Variants in IRAK2 observed in about 807,000 individuals in gnomAD.
The protein encoded by IRAK2 is interleukin-1 receptor-associated kinase-like 2.
In IRAK2, 57 loss-of-function variants were observed where a neutral mutation model predicts 72.0. That is an observed-to-expected ratio of 0.79 (90% CI 0.64 to 0.99). The LOEUF (loss-of-function observed/expected upper bound fraction) is 0.99, where lower values mean the gene tolerates loss of function less well. Among genes scored for constraint, IRAK2 ranks in the 50% least tolerant of loss-of-function variants. IRAK2 has a pLI of 0.00. For missense variants in IRAK2, 790 were observed against 794.4 expected (o/e 0.99, Z 0.07); for synonymous variants, 293 against 312.7 (o/e 0.94, Z 0.67).
intron 1 of IRAK2, among the ~76,000 whole-genome samples, chr3:10,175,752 TGGTGGTGGG>T (rs1696862607): frequency 6.6e-6 from 1 of 151,376 alleles, no homozygotes; most frequent in African/African-American, 2.4e-5. Flanking sequence ...TAGCCAGGCG[TGGTGGTGGG>T]CGCCTGTAGT....
At chr3:10,193,807 C>G (rs925496583) in intron 2 of IRAK2, among the ~76,000 whole-genome samples, 2 of 152,230 alleles carry the variant, frequency 1.3e-5, no homozygotes, top group Non-Finnish European at 2.9e-5. Flanking sequence ...AGGCTGGCTG[C>G]CAATGGCGTG....
intron 3 of IRAK2, among the ~76,000 whole-genome samples, 188 bp downstream of exon 3, chr3:10,200,703 C>T (rs941095289): frequency 1.1e-4 from 17 of 152,064 alleles, no homozygotes; most frequent in African/African-American, 4.1e-4. Flanking sequence ...TTGAGACCAG[C>T]CTAGGCAACC....
intron 4 of IRAK2, 67 bp from the exon 5 acceptor site, chr3:10,213,140 G>T: frequency 6.0e-6 from 8 of 1,338,578 alleles, no homozygotes; most frequent in African/African-American, 1.4e-5. Flanking sequence ...GTGTTCCAAG[G>T]TCCCTTGAGG....
intron 3 of IRAK2, among the ~76,000 whole-genome samples, chr3:10,206,587 G>A (rs537242198): frequency 7.9e-5 from 12 of 152,280 alleles, no homozygotes; most frequent in African/African-American, 2.4e-4. Context: ...ACTGAGTCTC[G>A]CTCTGTTGCC....
At chr3:10,201,539 T>C (rs1697360980) in intron 3 of IRAK2, among the ~76,000 whole-genome samples, 2 of 152,252 alleles carry the variant, frequency 1.3e-5, no homozygotes, top group South Asian at 2.1e-4. Flanking sequence ...CTGAGCTGTG[T>C]GATTTGAACA....
At chr3:10,212,061 C>T (rs143549147) in intron 4 of IRAK2, among the ~76,000 whole-genome samples, 77 of 139,718 alleles carry the variant, frequency 5.5e-4, no homozygotes, top group Admixed American at 1.4e-3. Context: ...GCCTGGGTGA[C>T]AGTACGAGAC....
In IRAK2 at chr3:10,183,249, G is replaced by A. The variant is rs1404634107; in HGVS notation, c.277+5229G>A. On this transcript the variant is annotated intron_variant, in intron 2 of 12. Coordinates refer to ENST00000256458, the MANE Select transcript of IRAK2 (RefSeq NM_001570.4). ...AGGCCATGCTTGAACTCAGTGGTAC[G>A]ACAGGGGCCCACTGGGGGCCATATC... Among the ~76,000 whole-genome samples the A allele has an allele frequency of 5.3e-5, 8 of 152,318 alleles. No individual in the cohort carries two copies. In the East Asian group the frequency reaches 1.2e-3, roughly 22 times the overall value.
In IRAK2 at chr3:10,234,566, G is replaced by C; in HGVS notation, c.1380G>C (p.Glu460Asp). 1 of 1,614,084 alleles carries C rather than the reference G, an allele frequency of 6.2e-7. No individual in the cohort carries two copies. The highest frequency in any genetic ancestry group is 8.5e-7 in the Non-Finnish European group (1 of 1,180,038). Residue 460 changes from glutamate (E) to aspartate (D), a missense_variant, in exon 11 of 13, where the codon GAG (glutamate) becomes GAC (aspartate). Glu to Asp is a conservative substitution (Grantham distance 45). Transcript: ENST00000256458. ...MAKEICQKYLEKGAGRLPEDC... is the reference protein window; with the variant it reads ...MAKEICQKYLDKGAGRLPEDC... ...AGGAGATCTGCCAGAAGTACCTGGA[G>C]AAGGGCGCAGGGAGGCTTCCGGAGG...
chr3:10,179,723 C>A (rs570022271), intron 2 of IRAK2, among the ~76,000 whole-genome samples: 3 of 152,222 alleles, frequency 2.0e-5, no homozygotes, highest in African/African-American at 7.2e-5. Flanking sequence ...TGTGAGCCAC[C>A]GTGCCCAGTC....
intron 2 of IRAK2, among the ~76,000 whole-genome samples, chr3:10,193,982 G>A (rs696040): frequency 0.22 from 33,943 of 152,198 alleles, 4,840 homozygotes; most frequent in East Asian, 0.72. Flanking sequence ...TGCTTCCTTC[G>A]GAGGCCCGAG....
chr3:10,166,890 C>A (rs144603477), intron 1 of IRAK2, among the ~76,000 whole-genome samples: 1 of 152,056 alleles, frequency 6.6e-6, no homozygotes, highest in African/African-American at 2.4e-5. Context: ...GTGATTTGGC[C>A]GCTTTGGCCT....
intron 2 of IRAK2, among the ~76,000 whole-genome samples, chr3:10,190,860 T>C (rs1260631166): frequency 6.6e-6 from 1 of 152,206 alleles, no homozygotes; most frequent in East Asian, 1.9e-4. Flanking sequence ...TCATGCAGCC[T>C]CCTGCATTCT....
chr3:10,180,790 C>A (rs145009357), intron 2 of IRAK2, among the ~76,000 whole-genome samples: 1 of 152,156 alleles, frequency 6.6e-6, no homozygotes, highest in East Asian at 1.9e-4. Context: ...CTGTGGTGGA[C>A]GTGCAGGTGG....
Position 10,205,320 on chromosome 3 carries a change from G to C in IRAK2, c.425-4269G>C, listed in dbSNP as rs191883578. 4.1e-3 allele frequency among the ~76,000 whole-genome samples: 626 copies of C among 152,326 alleles called. 2 individuals are homozygous for C. The highest frequency in any genetic ancestry group is 6.4e-3 in the Non-Finnish European group (433 of 68,026). On this transcript the variant is annotated intron_variant, in intron 3 of 12. Coordinates refer to ENST00000256458, the MANE Select transcript of IRAK2 (RefSeq NM_001570.4). ...AGGAGGGGAGGGCTGGGTAGGGAGA[G>C]ATGGAGAGTAATGGCTGGTGGGTCC...
chr3:10,188,174 G>A (rs779613083), intron 2 of IRAK2, among the ~76,000 whole-genome samples: 2 of 152,164 alleles, frequency 1.3e-5, no homozygotes, highest in African/African-American at 4.8e-5. Flanking sequence ...GGCTGGGTTA[G>A]GTGCTGAGCC....
intron 2 of IRAK2, among the ~76,000 whole-genome samples, chr3:10,199,864 T>C (rs1200489579): frequency 6.7e-6 from 1 of 149,586 alleles, no homozygotes; most frequent in Non-Finnish European, 1.5e-5. Context: ...TCACCAGGAC[T>C]GCCATGTTCA....
intron 3 of IRAK2, among the ~76,000 whole-genome samples, chr3:10,202,347 G>A (rs1697371953): frequency 6.6e-6 from 1 of 152,294 alleles, no homozygotes; most frequent in South Asian, 2.1e-4. Context: ...CAGCCAGCCG[G>A]GCGTGGTAGC....
intron 2 of IRAK2, among the ~76,000 whole-genome samples, chr3:10,180,994 C>T (rs770918251): frequency 1.3e-5 from 2 of 151,982 alleles, no homozygotes; most frequent in African/African-American, 2.4e-5. Context: ...CAGCACAGGA[C>T]GGTGGCTGGG....
chr3:10,177,788 A>T, intron 1 of IRAK2, 50 bp from the exon 2 acceptor site: 1 of 1,576,970 alleles, frequency 6.3e-7, no homozygotes, highest in East Asian at 2.2e-5. Flanking sequence ...GACCTGTCCT[A>T]GAGGGACTGC....
Sources: allele counts gnomAD v4.1 joint callset (sites outside exome capture counted in the v4.1 genomes callset), GRCh38; gene constraint gnomAD v4.1.1; transcripts MANE v1.5; gene names NCBI Gene and HGNC (gene_info 2026-07-23, HGNC 2026-07-21).